OPA1: variants seen among roughly 807,000 people sequenced by gnomAD.
The protein encoded by OPA1 is dynamin-like GTPase OPA1, mitochondrial.
Under a neutral mutation model 152.9 loss-of-function variants are expected in OPA1, and 59 were observed. The ratio of observed to expected loss-of-function variants is 0.39; its 90% CI spans 0.31 to 0.48. OPA1 has a LOEUF of 0.48. OPA1 is among the 20% of genes least tolerant of loss of function. OPA1 has a pLI of 0.96. For missense variants in OPA1, 1,008 were observed against 1,216.8 expected, an observed-to-expected ratio of 0.83 and a Z score of 2.55; for synonymous variants, 400 against 389.9, an observed-to-expected ratio of 1.03 and a Z score of -0.31.
chr3:193,678,612 G>A (rs901419215), intron 29 of OPA1, among the ~76,000 whole-genome samples: 1 of 152,048 alleles, frequency 6.6e-6, no homozygotes, highest in South Asian at 2.1e-4. Flanking sequence ...ACTTATTTCA[G>A]AAATGTTCAT....
intron 19 of OPA1, among the ~76,000 whole-genome samples, chr3:193,647,663 A>G (rs1734892598): frequency 6.6e-6 from 1 of 152,150 alleles, no homozygotes; most frequent in Non-Finnish European, 1.5e-5. Flanking sequence ...TCCCTCTGCA[A>G]TCTTGTATTA....
chr3:193,645,998 G>A (rs1278721130), intron 18 of OPA1, among the ~76,000 whole-genome samples, 198 bp downstream of exon 18: 2 of 152,146 alleles, frequency 1.3e-5, no homozygotes, highest in Non-Finnish European at 2.9e-5. Context: ...TTATCACATG[G>A]TACAATACAT....
At chr3:193,657,367 T>C in intron 23 of OPA1, 135 bp downstream of exon 23, 1 of 855,246 alleles carries the variant, frequency 1.2e-6, no homozygotes, top group Non-Finnish European at 1.9e-6. Flanking sequence ...AACAGATTTA[T>C]GATCTGTAAT....
chr3:193,610,353 T>C (rs778317968), intron 1 of OPA1, among the ~76,000 whole-genome samples: 42 of 152,198 alleles, frequency 2.8e-4, no homozygotes, highest in Non-Finnish European at 5.9e-4. Context: ...GAACAACGAA[T>C]ATTGGTGAAC....
rs868332385 is a variant in OPA1 at position 193,668,526 on chromosome 3, C to T, written c.2983+1246C>T. 4.1e-5 allele frequency: 64 copies of T among 1,548,558 alleles called. 1 individual carries two copies. The highest frequency in any genetic ancestry group is 3.3e-4 in the Admixed American group (17 of 50,908). On this transcript the variant is annotated intron_variant, in intron 29 of 30. Transcript: ENST00000361510. The stretch of plus-strand genomic sequence containing the variant: ...TCCTTCCCACCCGCTAGCCTCTGCC[C>T]GACCCCAGACAGATTCCTTCCTCAC...
intron 25 of OPA1, 78 bp from the exon 26 acceptor site, chr3:193,662,744 T>C (rs1715593682): frequency 8.7e-7 from 1 of 1,151,766 alleles, no homozygotes; most frequent in Admixed American, 2.0e-5. Context: ...TAGTAATGTA[T>C]TTATTAAAAT....
chr3:193,666,202 G>T, intron 27 of OPA1, 94 bp from the exon 28 acceptor site: 2 of 1,020,386 alleles, frequency 2.0e-6, no homozygotes, highest in South Asian at 1.3e-5. Context: ...TTAAGCTTAG[G>T]ACATATCTAC....
In OPA1 at chr3:193,646,990, G is replaced by A. The variant is rs868654693; in HGVS notation, c.1755-75G>A. ...AGAGTGGCTGTTAGCAAGCACATTC[G>A]CAGACTTGGTGGTAGTATTGTTGTC... On this transcript the variant is annotated intron_variant, in intron 18 of 30. Transcript: ENST00000361510. 6.6e-5 allele frequency: 60 copies of A among 914,784 alleles called. 1 individual carries two copies. In the Middle Eastern group the frequency reaches 1.4e-3, roughly 21 times the overall value. 56.7% of individuals were successfully genotyped at this position (914,784 alleles called of 1,614,324 possible).
intron 2 of OPA1, among the ~76,000 whole-genome samples, chr3:193,615,401 C>T (rs1229963545): frequency 6.6e-6 from 1 of 152,200 alleles, no homozygotes; most frequent in Non-Finnish European, 1.5e-5. Context: ...CCCAGTCTGT[C>T]TTCCTTCTAC....
At chr3:193,597,023 ATC>A (rs1486242370) in intron 1 of OPA1, 1 of 152,222 alleles carries the variant, frequency 6.6e-6, no homozygotes, top group Non-Finnish European at 1.5e-5. Flanking sequence ...GTTTTGGTTA[ATC>A]TCTCTAAATT....
At chr3:193,608,989 G>C (rs1368560008) in intron 1 of OPA1, among the ~76,000 whole-genome samples, 2 of 151,996 alleles carry the variant, frequency 1.3e-5, no homozygotes, top group Non-Finnish European at 2.9e-5. Context: ...ATCTTTGTTG[G>C]TTTAAAGTCT....
intron 29 of OPA1, among the ~76,000 whole-genome samples, chr3:193,676,975 G>A (rs1419698044): frequency 5.2e-5 from 4 of 76,392 alleles, no homozygotes; most frequent in African/African-American, 2.3e-4. Flanking sequence ...AGCAAGACTC[G>A]TCTCAAAAAA....
At chr3:193,640,347 A>G (rs1161378262) in intron 11 of OPA1, among the ~76,000 whole-genome samples, 2 of 152,206 alleles carry the variant, frequency 1.3e-5, no homozygotes, top group Admixed American at 6.5e-5. Context: ...GCAGAGCAGG[A>G]CAGTGTGCGC....
At chr3:193,690,594 G>A (rs1721551780) in intron 29 of OPA1, among the ~76,000 whole-genome samples, 1 of 151,980 alleles carries the variant, frequency 6.6e-6, no homozygotes, top group African/African-American at 2.4e-5. Context: ...GCTTTTTTGA[G>A]TTCCTGCAAT....
chr3:193,666,007 C>T (rs1335158602), intron 27 of OPA1, among the ~76,000 whole-genome samples: 1 of 152,128 alleles, frequency 6.6e-6, no homozygotes, highest in Admixed American at 6.5e-5. Flanking sequence ...TGAATTTCAA[C>T]TTACATACAA....
chr3:193,601,104 T>C lies in OPA1; in HGVS notation c.32+7695T>C, dbSNP rs554886376. On this transcript the variant is annotated intron_variant, in intron 1 of 30. Coordinates refer to ENST00000361510, the MANE Select transcript of OPA1 (RefSeq NM_130837.3). ...GTCATGTGCCTTTCTGAGAGTAGCT[T>C]CTACCCATCTGAAACCCTGGGAGGT... 1.2e-4 allele frequency among the ~76,000 whole-genome samples: 19 copies of C among 152,270 alleles called. No individual in the cohort carries two copies. The South Asian group carries it at 4.0e-3, about 32-fold the overall frequency.
rs1355200130 is a variant in OPA1, at chr3:193,635,529, TAA to T, written c.948+8_948+9del. On this transcript the variant is annotated splice_region_variant and intron_variant, in intron 9 of 30. Coordinates refer to ENST00000361510, the MANE Select transcript of OPA1 (RefSeq NM_130837.3). Reference sequence around the variant, plus strand: ...TCATCATAGAAAGCTTAAGGTATTCTAAGTTTGTCTTGTTTATTCTCAAAATT... The same window carrying T: ...TCATCATAGAAAGCTTAAGGTATTCTGTTTGTCTTGTTTATTCTCAAAATT... 1.3e-6 allele frequency: 2 copies of T among 1,537,214 alleles called. No homozygotes were observed. Among genetic ancestry groups the T allele is most frequent in the South Asian group, 2.2e-5 (2 of 89,564 alleles).
chr3:193,593,582 C>G (rs1724997054), intron 1 of OPA1, among the ~76,000 whole-genome samples, 173 bp downstream of exon 1: 1 of 152,230 alleles, frequency 6.6e-6, no homozygotes, highest in Admixed American at 6.5e-5. Context: ...GCTGGGCTTA[C>G]GTTCGGAGCC....
At chr3:193,660,492 G>A (rs1715008888) in intron 25 of OPA1, among the ~76,000 whole-genome samples, 1 of 152,008 alleles carries the variant, frequency 6.6e-6, no homozygotes, top group South Asian at 2.1e-4. Flanking sequence ...AGGAGACAAA[G>A]GGAATAAAAA....
Sources: allele counts gnomAD v4.1 joint callset (sites outside exome capture counted in the v4.1 genomes callset), GRCh38; gene constraint gnomAD v4.1.1; transcripts MANE v1.5; gene names NCBI Gene and HGNC (gene_info 2026-07-23, HGNC 2026-07-21).